The following DAZL variants were observed in gnomAD, a reference collection of about 807,000 sequenced individuals.
DAZL encodes the protein deleted in azoospermia-like.
A neutral mutation model predicts 45.0 loss-of-function variants in DAZL; 4 were observed. The observed-to-expected ratio is 0.09, with a 90% confidence interval of 0.04 to 0.20. The LOEUF is 0.20. Ranked by LOEUF, DAZL falls within the 10% of genes least tolerant of loss-of-function variation. The pLI, the probability that DAZL is intolerant of heterozygous loss-of-function variation, is 1.00. For synonymous variants in DAZL, 122 were observed against 112.4 expected (o/e 1.09, Z -0.54); for missense variants, 326 against 351.3 (o/e 0.93, Z 0.58).
Position 16,604,796 on chromosome 3 carries a change from A to G in DAZL, c.3+407T>C, listed in dbSNP as rs1052586010. On this transcript the variant is annotated intron_variant, in intron 1 of 10. Transcript: ENST00000399444. ...GGGCGGAGGCGCGTGGGAGTGGGGGAGGGGCGGAGGCGCGTGAGTGGGGGA... is the reference window on the plus strand; with the variant it reads ...GGGCGGAGGCGCGTGGGAGTGGGGGGGGGGCGGAGGCGCGTGAGTGGGGGA... 4.0e-6 allele frequency: 5 copies of G among 1,235,012 alleles called. No homozygotes were observed. In the African/African-American group the frequency reaches 6.7e-5, roughly 17 times the overall value. 76.5% of individuals were successfully genotyped at this position (1,235,012 alleles called of 1,614,324 possible).
At chr3:16,593,018 T>A (rs1425184458) in intron 9 of DAZL, among the ~76,000 whole-genome samples, 1 of 152,094 alleles carries the variant, frequency 6.6e-6, no homozygotes, top group Non-Finnish European at 1.5e-5. Context: ...TCACCACTGT[T>A]GGGAACTACT....
chr3:16,598,690 A>G, intron 1 of DAZL, 92 bp from the exon 2 acceptor site: 1 of 1,291,038 alleles, frequency 7.7e-7, no homozygotes, highest in Non-Finnish European at 1.0e-6. Context: ...AGTATAAAAT[A>G]TTTTATATAA....
chr3:16,594,586 T>TAAAA lies in DAZL; in HGVS notation c.571-7_571-4dup. Reference sequence around the variant, plus strand: ...CCAACAGGCCACTGTGGTGGCATCTTAAAAAAAAAAAAAAGGAAACCAAAA... The same window carrying TAAAA: ...CCAACAGGCCACTGTGGTGGCATCTTAAAAAAAAAAAAAAAAAAGGAAACCAAAA... On this transcript the variant is annotated splice_region_variant and splice_polypyrimidine_tract_variant and intron_variant, in intron 7 of 10. Coordinates refer to ENST00000399444, the MANE Select transcript of DAZL (RefSeq NM_001351.4). The TAAAA allele has an allele frequency of 8.0e-6, 11 of 1,378,418 alleles. No individual in the cohort carries two copies. Among genetic ancestry groups the TAAAA allele is most frequent in the Non-Finnish European group, 1.1e-5 (11 of 1,025,624 alleles). 85.4% of individuals were successfully genotyped at this position (1,378,418 alleles called of 1,614,324 possible).
chr3:16,598,802 T>TGA (rs1553611146), intron 1 of DAZL, among the ~76,000 whole-genome samples: 2,580 of 146,372 alleles, frequency 0.018, 56 homozygotes, highest in African/African-American at 0.057. Context: ...TTTTTTTTTT[T>TGA]GAGAGAGTCT....
intron 1 of DAZL, chr3:16,604,419 A>G: frequency 6.6e-7 from 1 of 1,521,694 alleles, no homozygotes; most frequent in Non-Finnish European, 8.8e-7. Flanking sequence ...AAAATTCTTA[A>G]TGGTAACTGC....
At chr3:16,603,595 C>T (rs1694725992) in intron 1 of DAZL, among the ~76,000 whole-genome samples, 1 of 152,184 alleles carries the variant, frequency 6.6e-6, no homozygotes, top group Non-Finnish European at 1.5e-5. Context: ...GATCCACCCG[C>T]CTCAGCCTCC....
intron 1 of DAZL, chr3:16,604,741 G>T (rs991802341): frequency 7.3e-7 from 1 of 1,363,562 alleles, no homozygotes; most frequent in Admixed American, 3.3e-5. Context: ...GCGGAGCCAC[G>T]GGGAGAGCGC....
chr3:16,599,679 C>G (rs1694654130), intron 1 of DAZL, among the ~76,000 whole-genome samples: 1 of 152,068 alleles, frequency 6.6e-6, no homozygotes, highest in South Asian at 2.1e-4. Context: ...CTCATTTTTT[C>G]TGGATTTTGA....
rs1158911327 is a variant in DAZL at position 16,605,387 on chromosome 3, A to T, written c.-182T>A. 3 of 737,592 alleles carry T rather than the reference A, an allele frequency of 4.1e-6. No individual in the cohort carries two copies. The highest frequency in any genetic ancestry group is 7.1e-6 in the Non-Finnish European group (3 of 421,690). 45.7% of individuals were successfully genotyped at this position (737,592 alleles called of 1,614,324 possible). On this transcript the variant is annotated 5_prime_UTR_variant, in exon 1 of 11. Coordinates refer to ENST00000399444, the MANE Select transcript of DAZL (RefSeq NM_001351.4). The stretch of plus-strand genomic sequence containing the variant: ...CGGGTGACAAGGCTGAGGAGCCCCG[A>T]AAGGCGGACCGTCAGGCTGAGGAGC...
intron 2 of DAZL, 85 bp from the exon 3 acceptor site, chr3:16,598,263 A>G: frequency 7.0e-7 from 1 of 1,427,398 alleles, no homozygotes; most frequent in Admixed American, 1.8e-5. Flanking sequence ...ATGATGTGAC[A>G]ATTTCTCCCC....
At chr3:16,592,219 A>G in intron 9 of DAZL, 71 bp from the exon 10 acceptor site, 1 of 1,565,942 alleles carries the variant, frequency 6.4e-7, no homozygotes, top group South Asian at 1.1e-5. Flanking sequence ...TTTTTTTTTG[A>G]TAGTTTAATG....
In DAZL at chr3:16,605,276, G is replaced by C. The variant is rs1575422094; in HGVS notation, c.-71C>G. The C allele has an allele frequency of 5.6e-6, 9 of 1,598,876 alleles. No homozygotes were observed. The East Asian group carries it at 2.0e-4, about 36-fold the overall frequency. ...GGCTGTGCTTGGCGCACCACTTCTG[G>C]GGCTGCTGTGAGGTCCGCTGGAACC... is the stretch of plus-strand genomic sequence containing the variant. On this transcript the variant is annotated 5_prime_UTR_variant, in exon 1 of 11. Coordinates refer to ENST00000399444, the MANE Select transcript of DAZL (RefSeq NM_001351.4).
At chr3:16,605,072 G>T in intron 1 of DAZL, 131 bp downstream of exon 1, 1 of 1,182,756 alleles carries the variant, frequency 8.5e-7, no homozygotes. Flanking sequence ...CATGGCTGTG[G>T]TGCGTCCAGG....
chr3:16,600,659 AAAAT>A (rs1694676928), intron 1 of DAZL, among the ~76,000 whole-genome samples: 1 of 152,256 alleles, frequency 6.6e-6, no homozygotes, highest in South Asian at 2.1e-4. Flanking sequence ...AAAACAAAAC[AAAAT>A]AAATTCTGAA....
At position 16,597,042 on chromosome 3, in the gene DAZL, T is replaced by G. The variant is rs767685903; in HGVS notation, c.304A>C (p.Asn102His). 1.5e-5 allele frequency: 24 copies of G among 1,611,498 alleles called. No homozygotes were observed. In the Admixed American group the frequency reaches 2.5e-4, roughly 17 times the overall value. The change falls in exon 5 of 11, where the codon AAT (asparagine) becomes CAT (histidine). Residue 102 changes from asparagine (N) to histidine (H), a missense_variant. Around this residue, in one of 3 missense-constraint regions of DAZL, gnomAD observed 18 missense variants for 45.0 expected, o/e 0.40. Coordinates refer to ENST00000399444, the MANE Select transcript of DAZL (RefSeq NM_001351.4). ...AGCTTCAGCTTTTTACCATGGAAAT[T>G]TATCTGTGACTGAAAATAAAACAGT... is the stretch of plus-strand genomic sequence containing the variant. Reference protein sequence around the residue: ...DVQKIVESQINFHGKKLKLGP... With the variant: ...DVQKIVESQIHFHGKKLKLGP...
rs1180796644 is a variant in DAZL, at chr3:16,598,185, A to G, written c.151-7T>C. The stretch of plus-strand genomic sequence containing the variant: ...TAATCTCAGTTTCATCCATCTATGG[A>G]AAAGAATTGAACTTCAAGAGTAAAA... On this transcript the variant is annotated splice_region_variant and splice_polypyrimidine_tract_variant and intron_variant, in intron 2 of 10. Transcript: ENST00000399444. 2 of 1,578,796 alleles carry G rather than the reference A, an allele frequency of 1.3e-6. No homozygotes were observed. The highest frequency in any genetic ancestry group is 1.1e-5 in the South Asian group (1 of 90,446).
At chr3:16,596,919 T>C (rs1575417907) in intron 5 of DAZL, 30 bp from the exon 6 acceptor site, 1 of 1,613,592 alleles carries the variant, frequency 6.2e-7, no homozygotes, top group East Asian at 2.2e-5. Context: ...AAAAGGCCTA[T>C]TTTTAGTTCT....
chr3:16,605,188 T>C lies in DAZL; in HGVS notation c.3+15A>G, dbSNP rs1694760393. ...CTCCGCCAGCCTTGCCCCTCGGGCCTCTCCCTCAACTCACCATGATGGCGG... is the reference window on the plus strand; with the variant it reads ...CTCCGCCAGCCTTGCCCCTCGGGCCCCTCCCTCAACTCACCATGATGGCGG... On this transcript the variant is annotated intron_variant, in intron 1 of 10. Transcript: ENST00000399444. 2.5e-6 allele frequency: 4 copies of C among 1,613,966 alleles called. No homozygotes were observed. Among genetic ancestry groups the C allele is most frequent in the African/African-American group, 1.3e-5 (1 of 74,914 alleles).
chr3:16,589,516 G>A (rs1167443702), intron 10 of DAZL, among the ~76,000 whole-genome samples: 1 of 152,102 alleles, frequency 6.6e-6, no homozygotes, highest in East Asian at 1.9e-4. Context: ...CACAGGTCAC[G>A]CAGGAAACAA....
Sources: gnomAD v4.1 joint callset for allele counts (sites outside exome capture counted in the v4.1 genomes callset) on GRCh38, gnomAD v4.1.1 for gene constraint, gnomAD v4.1.1 regional missense constraint, MANE v1.5 for transcripts, NCBI Gene and HGNC (gene_info 2026-07-23, HGNC 2026-07-21) for gene names.